The following CNEP1R1 variants were observed in gnomAD, a reference collection of about 807,000 sequenced individuals.
The protein encoded by CNEP1R1 is nuclear envelope phosphatase-regulatory subunit 1.
CNEP1R1 carries 10 observed loss-of-function variants against 22.7 expected under a neutral mutation model. That is an observed-to-expected ratio of 0.44 (90% CI 0.27 to 0.75). CNEP1R1 has a LOEUF of 0.75. Ranked by LOEUF, CNEP1R1 falls within the 30% of genes least tolerant of loss-of-function variation. CNEP1R1 has a pLI of 0.17. For synonymous variants in CNEP1R1, 53 were observed against 50.1 expected (o/e 1.06, Z -0.25); for missense variants, 73 against 151.5 (o/e 0.48, Z 2.72).
chr16:50,027,460 A>G (rs140083923), intron 2 of CNEP1R1, among the ~76,000 whole-genome samples: 4,129 of 147,646 alleles, frequency 0.028, 197 homozygotes, highest in African/African-American at 0.099. Context: ...GTGAGCCGAG[A>G]TTGCACCACT....
intron 3 of CNEP1R1, among the ~76,000 whole-genome samples, chr16:50,030,522 A>C (rs1037892477): frequency 1.7e-4 from 26 of 152,222 alleles, no homozygotes; most frequent in African/African-American, 5.8e-4. Context: ...CCCATAAAAC[A>C]CTGGAGATGA....
At chr16:50,029,591 C>T in intron 2 of CNEP1R1, 134 bp from the exon 3 acceptor site, 1 of 488,848 alleles carries the variant, frequency 2.0e-6, no homozygotes, top group Non-Finnish European at 3.7e-6. Flanking sequence ...CTTCTAATTC[C>T]TGAGTCTAGT....
At chr16:50,029,368 TG>T (rs1281179113) in intron 2 of CNEP1R1, among the ~76,000 whole-genome samples, 2 of 152,238 alleles carry the variant, frequency 1.3e-5, no homozygotes, top group African/African-American at 2.4e-5. Flanking sequence ...AAAATGAGTT[TG>T]TTTTTTTAAT....
At chr16:50,025,479 G>T in intron 1 of CNEP1R1, 139 bp downstream of exon 1, 1 of 1,124,952 alleles carries the variant, frequency 8.9e-7, no homozygotes, top group Non-Finnish European at 1.2e-6. Context: ...TTGGGGGCGC[G>T]TAGGCGGCCG....
chr16:50,028,921 A>G (rs1262601997), intron 2 of CNEP1R1, among the ~76,000 whole-genome samples: 2 of 152,114 alleles, frequency 1.3e-5, no homozygotes, highest in Non-Finnish European at 2.9e-5. Flanking sequence ...GGAATTCTAG[A>G]TAATTAAGGT....
chr16:50,035,758 A>G lies in CNEP1R1; in HGVS notation c.*300A>G. 1 of 276,290 alleles carries G rather than the reference A, an allele frequency of 3.6e-6. No individual in the cohort carries two copies. The highest frequency in any genetic ancestry group is 5.3e-5 in the Admixed American group (1 of 18,874). 17.1% of individuals were successfully genotyped at this position (276,290 alleles called of 1,614,324 possible). On this transcript the variant is annotated 3_prime_UTR_variant, in exon 6 of 6. Coordinates refer to ENST00000427478, the MANE Select transcript of CNEP1R1 (RefSeq NM_001281789.2). ...AAGTTAAACTTAGAAACAGAACCTC[A>G]TTCAGTTTTTATAATGTATTTTTGC...
At position 50,026,445 on chromosome 16, in the gene CNEP1R1, A is replaced by G; in HGVS notation, c.75A>G (p.Gln25=). 1 of 1,610,554 alleles carries G rather than the reference A, an allele frequency of 6.2e-7. No homozygotes were observed. Among genetic ancestry groups the G allele is most frequent in the South Asian group, 1.1e-5 (1 of 90,252 alleles). ...RRLTEYIHCL[Q]PATGRWRMLL... ...TTACTGAATATATTCATTGTTTGCA[A>G]CCTGCTACTGGACGCTGGAGAAGTA... is the stretch of plus-strand genomic sequence containing the variant. The change falls in exon 2 of 6, where the codon CAA becomes CAG. Residue 25 remains glutamine, a synonymous_variant. Transcript: ENST00000427478.
At chr16:50,035,105 A>G (rs1212257502) in intron 5 of CNEP1R1, among the ~76,000 whole-genome samples, 1 of 151,970 alleles carries the variant, frequency 6.6e-6, no homozygotes, top group Non-Finnish European at 1.5e-5. Flanking sequence ...TAATCCCAGC[A>G]CTTTGGGAGG....
chr16:50,029,726 G>T lies in CNEP1R1; in HGVS notation c.99G>T (p.Met33Ile). 6.3e-7 allele frequency: 1 copy of T among 1,599,232 alleles called. No individual in the cohort carries two copies. Among genetic ancestry groups the T allele is most frequent in the Non-Finnish European group, 8.6e-7 (1 of 1,168,582 alleles). ...AATTTCGTGTTTATCTTTCATCAGTGCTTCTTATAGTGGTATCTGTCTGTA... is the reference window on the plus strand; with the variant it reads ...AATTTCGTGTTTATCTTTCATCAGTTCTTCTTATAGTGGTATCTGTCTGTA... ...CLQPATGRWR[M>I]LLIVVSVCTA... The change falls in exon 3 of 6, where the codon ATG becomes ATT. Residue 33 changes from methionine to isoleucine, a missense_variant and splice_region_variant. Coordinates refer to ENST00000427478, the MANE Select transcript of CNEP1R1 (RefSeq NM_001281789.2).
intron 3 of CNEP1R1, among the ~76,000 whole-genome samples, chr16:50,031,478 C>G (rs2036230821): frequency 6.6e-6 from 1 of 151,910 alleles, no homozygotes; most frequent in Admixed American, 6.6e-5. Flanking sequence ...AAGAGGCTGG[C>G]AAGAAGATTG....
intron 3 of CNEP1R1, among the ~76,000 whole-genome samples, chr16:50,031,329 G>A (rs760594345): frequency 1.3e-5 from 2 of 152,184 alleles, no homozygotes; most frequent in Non-Finnish European, 2.9e-5. Context: ...TAAAAGGATA[G>A]GAAGCAAGGG....
chr16:50,035,587 G>A lies in CNEP1R1; in HGVS notation c.*129G>A. 1.5e-6 allele frequency: 1 copy of A among 648,826 alleles called. No homozygotes were observed. The highest frequency in any genetic ancestry group is 1.9e-5 in the South Asian group (1 of 52,970). The allele number at this position is 648,826 out of a possible 1,614,324, so 40.2% of individuals were successfully genotyped here. A position where few individuals can be genotyped will look rare whatever the true frequency, so the allele number is the denominator to read the frequency against. On this transcript the variant is annotated 3_prime_UTR_variant, in exon 6 of 6. Coordinates refer to ENST00000427478, the MANE Select transcript of CNEP1R1 (RefSeq NM_001281789.2). Reference sequence around the variant, plus strand: ...CATAGCAGCAACTGACAAGAAGTGTGCAATATTTACCTGGATTATCTTGAT... The same window carrying A: ...CATAGCAGCAACTGACAAGAAGTGTACAATATTTACCTGGATTATCTTGAT...
intron 1 of CNEP1R1, 182 bp from the exon 2 acceptor site, chr16:50,026,214 A>G: frequency 2.1e-6 from 1 of 482,270 alleles, no homozygotes; most frequent in East Asian, 3.0e-5. Context: ...ATTTTTTGTC[A>G]AGTGCTTAAA....
rs531670648 is a variant in CNEP1R1, at chr16:50,035,504, A to G, written c.*46A>G. On this transcript the variant is annotated 3_prime_UTR_variant, in exon 6 of 6. Coordinates refer to ENST00000427478, the MANE Select transcript of CNEP1R1 (RefSeq NM_001281789.2). The stretch of plus-strand genomic sequence containing the variant: ...GGGACTTAAAATAGCCTTTCTTCGA[A>G]TAAGTGATACAGCAAAAAGCCATAA... The G allele has an allele frequency of 2.9e-6, 4 of 1,383,092 alleles. No homozygotes were observed. In the South Asian group the frequency reaches 5.0e-5, roughly 17 times the overall value. The allele number at this position is 1,383,092 out of a possible 1,614,324, so 85.7% of individuals were successfully genotyped here.
rs2036268884 is a variant in CNEP1R1 at position 50,035,559 on chromosome 16, G to A, written c.*101G>A. On this transcript the variant is annotated 3_prime_UTR_variant, in exon 6 of 6. Transcript: ENST00000427478. ...TTCCTTTTGCGGTTGGATATGTAAA[G>A]GTCATAGCAGCAACTGACAAGAAGT... 5.0e-6 allele frequency: 4 copies of A among 794,162 alleles called. No individual in the cohort carries two copies. Among genetic ancestry groups the A allele is most frequent in the South Asian group, 1.6e-5 (1 of 62,066 alleles). 49.2% of individuals were successfully genotyped at this position (794,162 alleles called of 1,614,324 possible).
chr16:50,036,019 G>A lies in CNEP1R1; in HGVS notation c.*561G>A, dbSNP rs1320545490. ...CATTATGTTGTAAGAAATTATAGAT[G>A]TTTTGAGAGACACTTTTTGTTAAAC... On this transcript the variant is annotated 3_prime_UTR_variant, in exon 6 of 6. Coordinates refer to ENST00000427478, the MANE Select transcript of CNEP1R1 (RefSeq NM_001281789.2). 6.6e-6 allele frequency: 1 copy of A among 152,086 alleles called. No homozygotes were observed. Among genetic ancestry groups the A allele is most frequent in the Non-Finnish European group, 1.5e-5 (1 of 67,996 alleles). The allele number at this position is 152,086 out of a possible 1,614,324, so 9.4% of individuals were successfully genotyped here. A position where few individuals can be genotyped will look rare whatever the true frequency, so the allele number is the denominator to read the frequency against.
intron 1 of CNEP1R1, 94 bp downstream of exon 1, chr16:50,025,434 G>A: frequency 7.7e-7 from 1 of 1,304,096 alleles, no homozygotes; most frequent in Non-Finnish European, 1.0e-6. Context: ...CGCCCCGGGA[G>A]GAGGCCGCAG....
chr16:50,025,674 C>A, intron 1 of CNEP1R1: 2 of 1,613,998 alleles, frequency 1.2e-6, no homozygotes, highest in Non-Finnish European at 1.7e-6. Context: ...ATCCCTGATT[C>A]CTGCGGTGGT....
rs887525099 is a variant in CNEP1R1 at position 50,028,304 on chromosome 16, C to G, written c.98-1421C>G. ...AGATGGTCATTATTTAGATTTAATT[C>G]CTATCAAGAAGGAAGTGTAGTAGCA... On this transcript the variant is annotated intron_variant, in intron 2 of 5. Coordinates refer to ENST00000427478, the MANE Select transcript of CNEP1R1 (RefSeq NM_001281789.2). Among the ~76,000 whole-genome samples the G allele has an allele frequency of 4.6e-5, 7 of 152,160 alleles. No individual in the cohort carries two copies. The South Asian group carries it at 8.3e-4, about 18-fold the overall frequency.
Sources: gnomAD v4.1 joint callset for allele counts (sites outside exome capture counted in the v4.1 genomes callset) on GRCh38, gnomAD v4.1.1 for gene constraint, MANE v1.5 for transcripts, NCBI Gene and HGNC (gene_info 2026-07-23, HGNC 2026-07-21) for gene names.